Variants in PRUNE2 observed in about 807,000 individuals in gnomAD.
The protein encoded by PRUNE2 is prune homolog 2 with BCH domain, also known as protein prune homolog 2.
A neutral mutation model predicts 252.0 loss-of-function variants in PRUNE2; 164 were observed. The observed-to-expected ratio is 0.65, with a 90% CI of 0.57 to 0.74. The LOEUF (loss-of-function observed/expected upper bound fraction) is 0.74. Among genes scored for constraint, PRUNE2 ranks in the 30% least tolerant of loss-of-function variants. PRUNE2 has a pLI of 0.00. For missense variants in PRUNE2, 3,495 were observed against 3,711.0 expected (o/e 0.94, Z 1.51); for synonymous variants, 1,292 against 1,350.2 (o/e 0.96, Z 0.94).
At chr9:76,817,703 C>G (rs2057778462) in intron 6 of PRUNE2, 2 of 152,202 alleles carry the variant, frequency 1.3e-5, no homozygotes, top group South Asian at 4.1e-4. Context: ...GAAAAATAAA[C>G]AATTTCTGGG....
chr9:76,649,167 A>C (rs911517933), intron 11 of PRUNE2, among the ~76,000 whole-genome samples: 2 of 152,252 alleles, frequency 1.3e-5, no homozygotes, highest in Non-Finnish European at 2.9e-5. Flanking sequence ...AGCAAAAAGC[A>C]TTAATGAAAG....
intron 9 of PRUNE2, among the ~76,000 whole-genome samples, chr9:76,682,973 G>A (rs764912847): frequency 6.6e-6 from 1 of 152,102 alleles, no homozygotes; most frequent in Non-Finnish European, 1.5e-5. Context: ...ATCTTCTCCT[G>A]ACCATTAAAT....
At chr9:76,806,674 AT>A (rs750726403) in intron 6 of PRUNE2, among the ~76,000 whole-genome samples, 6,146 of 134,752 alleles carry the variant, frequency 0.046, 112 homozygotes, top group East Asian at 0.076. Flanking sequence ...CGCCCGGCTA[AT>A]TTTTTTTTTT....
At chr9:76,826,985 A>G (rs2058380924) in intron 4 of PRUNE2, among the ~76,000 whole-genome samples, 1 of 152,180 alleles carries the variant, frequency 6.6e-6, no homozygotes, top group Admixed American at 6.5e-5. Flanking sequence ...TACAGAATTC[A>G]CAGATAAAGG....
At chr9:76,721,402 T>TG (rs2047635783) in intron 6 of PRUNE2, among the ~76,000 whole-genome samples, 1 of 152,238 alleles carries the variant, frequency 6.6e-6, no homozygotes, top group Non-Finnish European at 1.5e-5. Flanking sequence ...TATTATAGTG[T>TG]TGTCTTCCTC....
chr9:76,711,871 C>T lies in PRUNE2; in HGVS notation c.916-513G>A, dbSNP rs147137986. 3.2e-4 allele frequency among the ~76,000 whole-genome samples: 48 copies of T among 152,272 alleles called. No homozygotes were observed. In the East Asian group the frequency reaches 5.4e-3, roughly 17 times the overall value. Reference sequence around the variant, plus strand: ...GCTCCCGCAGTCTGATCTTTCCGAACAGCACTCAGGACCCCTCAGTCCCTT... The same window carrying T: ...GCTCCCGCAGTCTGATCTTTCCGAATAGCACTCAGGACCCCTCAGTCCCTT... On this transcript the variant is annotated intron_variant, in intron 7 of 18. Coordinates refer to ENST00000376718, the MANE Select transcript of PRUNE2 (RefSeq NM_015225.3).
chr9:76,754,527 G>A (rs1467143452), intron 6 of PRUNE2, among the ~76,000 whole-genome samples: 1 of 152,152 alleles, frequency 6.6e-6, no homozygotes, highest in Non-Finnish European at 1.5e-5. Context: ...ACTCCTTGCT[G>A]AGTTTTACCG....
At chr9:76,618,659 T>C (rs1233969801) in intron 18 of PRUNE2, among the ~76,000 whole-genome samples, 2 of 152,226 alleles carry the variant, frequency 1.3e-5, no homozygotes, top group African/African-American at 4.8e-5. Context: ...GCCCTGGAGC[T>C]ATACTGCCAA....
At chr9:76,670,203 G>A (rs1183315597) in intron 9 of PRUNE2, among the ~76,000 whole-genome samples, 6 of 152,114 alleles carry the variant, frequency 3.9e-5, no homozygotes, top group Admixed American at 6.5e-5. Flanking sequence ...CGCACCGTGC[G>A]CGAGCCGAAG....
At chr9:76,829,911 A>T (rs868698025) in intron 4 of PRUNE2, among the ~76,000 whole-genome samples, 60 of 152,320 alleles carry the variant, frequency 3.9e-4, no homozygotes, top group African/African-American at 1.4e-3. Flanking sequence ...CACAAAGGAA[A>T]TAGAAGAAAT....
rs1458876411 is a variant in PRUNE2, at chr9:76,644,725, C to T, written c.8728+14G>A. 3.1e-6 allele frequency: 5 copies of T among 1,612,676 alleles called. No individual in the cohort carries two copies. Among genetic ancestry groups the T allele is most frequent in the Non-Finnish European group, 4.2e-6 (5 of 1,178,984 alleles). ...CCCTTCCCCATTTCCCAGATTCATG[C>T]TGAGCTCGACTACCTCCGTGAGAAA... On this transcript the variant is annotated intron_variant, in intron 12 of 18. Coordinates refer to ENST00000376718, the MANE Select transcript of PRUNE2 (RefSeq NM_015225.3).
At chr9:76,726,641 T>C (rs994372258) in intron 6 of PRUNE2, among the ~76,000 whole-genome samples, 2 of 152,216 alleles carry the variant, frequency 1.3e-5, no homozygotes, top group African/African-American at 4.8e-5. Context: ...GAATGAAAAT[T>C]ATGCTGAATC....
intron 4 of PRUNE2, among the ~76,000 whole-genome samples, chr9:76,835,533 T>C (rs1414324186): frequency 6.6e-6 from 1 of 152,218 alleles, no homozygotes; most frequent in South Asian, 2.1e-4. Flanking sequence ...AAGATTATCT[T>C]TGTGTGACAG....
At chr9:76,676,073 A>AG (rs2042506009) in intron 9 of PRUNE2, among the ~76,000 whole-genome samples, 1 of 116,060 alleles carries the variant, frequency 8.6e-6, no homozygotes, top group South Asian at 3.1e-4. Flanking sequence ...AATAAAAAAA[A>AG]AACCAAAAAC....
At chr9:76,623,474 TA>T (rs1255435038) in intron 17 of PRUNE2, among the ~76,000 whole-genome samples, 1 of 152,120 alleles carries the variant, frequency 6.6e-6, no homozygotes, top group African/African-American at 2.4e-5. Context: ...TTTGTATTTT[TA>T]GTAGAGACGG....
At chr9:76,637,283 T>C in intron 14 of PRUNE2, 135 bp downstream of exon 14, 1 of 875,128 alleles carries the variant, frequency 1.1e-6, no homozygotes, top group South Asian at 1.7e-5. Context: ...AATAGCAACT[T>C]AGACAATTTA....
At chr9:76,898,732 C>T (rs1026659591) in intron 1 of PRUNE2, among the ~76,000 whole-genome samples, 7 of 151,940 alleles carry the variant, frequency 4.6e-5, no homozygotes, top group Admixed American at 1.3e-4. Context: ...GAAAATGAAG[C>T]ACCAACATAG....
chr9:76,895,862 C>T (rs954465437), intron 1 of PRUNE2, among the ~76,000 whole-genome samples: 1 of 152,154 alleles, frequency 6.6e-6, no homozygotes, highest in African/African-American at 2.4e-5. Context: ...TGGCTCACTG[C>T]AACCTCTGCC....
intron 9 of PRUNE2, among the ~76,000 whole-genome samples, chr9:76,665,297 A>G (rs2039910788): frequency 1.3e-5 from 2 of 151,718 alleles, no homozygotes; most frequent in South Asian, 4.2e-4. Flanking sequence ...GTCCTGTACT[A>G]CTCAGTGTGG....
Sources: gnomAD v4.1 joint callset for allele counts (sites outside exome capture counted in the v4.1 genomes callset) on GRCh38, gnomAD v4.1.1 for gene constraint, MANE v1.5 for transcripts, NCBI Gene and HGNC (gene_info 2026-07-23, HGNC 2026-07-21) for gene names.